The following TTN variants were observed in gnomAD, a reference collection of about 807,000 sequenced individuals.
The protein encoded by TTN is connectin.
A neutral mutation model predicts 3,223.0 loss-of-function variants in TTN; 1,525 were observed. That is an observed-to-expected ratio of 0.47 (90% CI 0.45 to 0.49). The LOEUF (loss-of-function observed/expected upper bound fraction) is 0.49. TTN is among the 20% of genes least tolerant of loss of function. The probability of loss-of-function intolerance (pLI) is 0.00; values close to 1 mark genes in which losing one functional copy is unlikely to be tolerated. For missense variants in TTN, 40,786 were observed against 43,424.0 expected (o/e 0.94, Z 5.40); for synonymous variants, 14,094 against 15,161.0 (o/e 0.93, Z 5.17).
Position 178,740,919 on chromosome 2 carries a change from C to A in TTN, c.12314G>T (p.Ser4105Ile). Residue 4105 changes from serine (S) to isoleucine (I), a missense_variant, in exon 48 of 363, where the codon AGT becomes ATT. Physicochemically the swap from Ser to Ile is moderately radical, Grantham distance 142. Transcript: ENST00000589042. ...EHIAKANELS[S>I]QLPLGAQELQ... is the part of the protein sequence containing the mutation. ...TTCCTGAGCTCCCAAAGGAAGCTGA[C>A]TGCTCAATTCATTGGCTTTAGCAAT... 1 of 1,613,914 alleles carries A rather than the reference C, an allele frequency of 6.2e-7. No homozygotes were observed. The highest frequency in any genetic ancestry group is 8.5e-7 in the Non-Finnish European group (1 of 1,179,842).
At position 178,610,174 on chromosome 2, in the gene TTN, A is replaced by G. The variant is rs1161061741; in HGVS notation, c.51352T>C (p.Phe17118Leu). Residue 17118 changes from phenylalanine (F) to leucine (L), a missense_variant, in exon 271 of 363, where the codon TTC becomes CTC. By Grantham distance (22) the Phe-to-Leu change is conservative. Coordinates refer to ENST00000589042, the MANE Select transcript of TTN (RefSeq NM_001267550.2). ...TTGTTGACTGCTTTAACACGGAAGA[A>G]GTATTCACCATTTGGTATGAGATCC... ...VKDLIPNGEY[F>L]FRVKAVNKVG... 6.2e-7 allele frequency: 1 copy of G among 1,613,038 alleles called. No homozygotes were observed. The highest frequency in any genetic ancestry group is 2.2e-5 in the East Asian group (1 of 44,730).
At chr2:178,746,161 C>T in intron 47 of TTN, 3 of 1,613,296 alleles carry the variant, frequency 1.9e-6, no homozygotes, top group Non-Finnish European at 2.5e-6. Context: ...ATTCTTTATA[C>T]CACTTAACTT....
chr2:178,569,455 G>A lies in TTN; in HGVS notation c.76677C>T (p.Val25559=), dbSNP rs1342652455. Residue 25559 remains valine, a synonymous_variant, in exon 326 of 363, where the codon GTC becomes GTT. Transcript: ENST00000589042. ...GAACAAGAGAGGTGAAACTGCTAGT[G>A]ACATCAATTATAGCTGCATCTCGGA... ...GEIRDAAIID[V]TSSFTSLVLD... 2 of 1,613,042 alleles carry A rather than the reference G, an allele frequency of 1.2e-6. No homozygotes were observed. The highest frequency in any genetic ancestry group is 3.3e-5 in the Admixed American group (2 of 59,950).
rs868040631 is a variant in TTN at position 178,766,510 on chromosome 2, C to T, written c.9574G>A (p.Glu3192Lys). Residue 3192 changes from glutamate (E) to lysine (K), a missense_variant, in exon 41 of 363, where the codon GAA becomes AAA. By Grantham distance (56) the Glu-to-Lys change is moderately conservative. Transcript: ENST00000589042. ...CTTTCCACTACATATTTGTGTCGTT[C>T]TTGAACTTGGAAATTGATTTCAATG... ...DGIEINFQVQ[E>K]RHKYVVERRI... 1 of 1,614,070 alleles carries T rather than the reference C, an allele frequency of 6.2e-7. No homozygotes were observed. The highest frequency in any genetic ancestry group is 1.3e-5 in the African/African-American group (1 of 75,030).
chr2:178,586,973 T>G lies in TTN; in HGVS notation c.64093+145A>C, dbSNP rs2049140319. 1.8e-5 allele frequency: 25 copies of G among 1,368,322 alleles called. No homozygotes were observed. The South Asian group carries it at 3.0e-4, about 16-fold the overall frequency. The allele number at this position is 1,368,322 out of a possible 1,614,324, so 84.8% of individuals were successfully genotyped here. A position where few individuals can be genotyped will look rare whatever the true frequency, so the allele number is the denominator to read the frequency against. ...AGATGAGACAGATCAAAAAAGTGTT[T>G]CATGAGTGAGATAGATATTTATTAC... On this transcript the variant is annotated intron_variant, in intron 307 of 362. Coordinates refer to ENST00000589042, the MANE Select transcript of TTN (RefSeq NM_001267550.2).
chr2:178,713,064 T>C, intron 93 of TTN, 21 bp downstream of exon 93: 1 of 1,608,494 alleles, frequency 6.2e-7, no homozygotes, highest in Non-Finnish European at 8.5e-7. Context: ...TGCAATTCAT[T>C]TTACTGTTTT....
chr2:178,595,857 A>T (rs747989911), intron 294 of TTN, 48 bp from the exon 295 acceptor site: 4 of 1,517,416 alleles, frequency 2.6e-6, no homozygotes, highest in Non-Finnish European at 2.7e-6. Flanking sequence ...TCAATGAAAG[A>T]TAATGCTCAA....
Position 178,720,510 on chromosome 2 carries a change from G to T in TTN, c.23252C>A (p.Thr7751Asn), listed in dbSNP as rs1276891291. ...QVRNSKKFKI[T>N]SKHFDTSLHI... ...AAGACTTGTATCAAAATGTTTTGAA[G>T]TGATTTTAAATTTCTTGCTGTTTCT... The change falls in exon 80 of 363, where the codon ACT (threonine) becomes AAT (asparagine). Residue 7751 changes from threonine (T) to asparagine (N), a missense_variant. Thr to Asn is a moderately conservative substitution (Grantham distance 65). Coordinates refer to ENST00000589042, the MANE Select transcript of TTN (RefSeq NM_001267550.2). 2 of 1,613,658 alleles carry T rather than the reference G, an allele frequency of 1.2e-6. No individual in the cohort carries two copies.
Position 178,576,021 on chromosome 2 carries a change from G to T in TTN, c.70111C>A (p.Arg23371Ser). 2 of 1,612,934 alleles carry T rather than the reference G, an allele frequency of 1.2e-6. No homozygotes were observed. Among genetic ancestry groups the T allele is most frequent in the Non-Finnish European group, 1.7e-6 (2 of 1,179,232 alleles). ...GTCCATGTCACTTCAGGAGCAGGAC[G>T]ACCTTTAATTGGCACAAATATCCTA... ...SIRIFVPIKG[R>S]PAPEVTWTKD... Residue 23371 changes from arginine (R) to serine (S), a missense_variant, in exon 326 of 363, where the codon CGT becomes AGT. By Grantham distance (110) the Arg-to-Ser change is moderately radical (BLOSUM62 -1). Coordinates refer to ENST00000589042, the MANE Select transcript of TTN (RefSeq NM_001267550.2). The surrounding 1 kb of genome is among the most constrained non-coding windows in gnomAD (Gnocchi z 4.3).
chr2:178,722,822 T>A lies in TTN; in HGVS notation c.22077A>T (p.Gly7359=), dbSNP rs202102237. The change falls in exon 76 of 363, where the codon GGA becomes GGT. Residue 7359 remains glycine, a synonymous_variant. Coordinates refer to ENST00000589042, the MANE Select transcript of TTN (RefSeq NM_001267550.2). ...TPEITVSWYK[G]DTKLRPTPEY... ...CAGGAGTTGGCCGTAATTTGGTATC[T>A]CCTTTGTACCAAGACACTGTAATTT... is the stretch of plus-strand genomic sequence containing the variant. 1,369 of 1,613,328 alleles carry A rather than the reference T, an allele frequency of 8.5e-4. 22 individuals carry two copies. The South Asian group carries it at 0.014, about 16-fold the overall frequency.
rs1057524578 is a variant in TTN, at chr2:178,651,884, C to A, written c.39379G>T (p.Val13127Leu). ...EEPEPAAPPQ[V>L]TVPPKKPVPE... ...TCCTAGCAGCTTTCTTGCCATGTACCTTGTGGAGGCGCCGCTGGCTCTGGC... is the reference window on the plus strand; with the variant it reads ...TCCTAGCAGCTTTCTTGCCATGTACATTGTGGAGGCGCCGCTGGCTCTGGC... Residue 13127 changes from valine (V) to leucine (L), a missense_variant and splice_region_variant, in exon 205 of 363, where the codon GTG becomes TTG. Coordinates refer to ENST00000589042, the MANE Select transcript of TTN (RefSeq NM_001267550.2). 23 of 1,606,612 alleles carry A rather than the reference C, an allele frequency of 1.4e-5. No homozygotes were observed. The highest frequency in any genetic ancestry group is 2.0e-5 in the Non-Finnish European group (23 of 1,176,698).
In TTN at chr2:178,652,332, T is replaced by C. The variant is rs764410207; in HGVS notation, c.39143A>G (p.Lys13048Arg). Reference protein sequence around the residue: ...VTPVKVPEAPKEVVPEKKVPV... With the variant: ...VTPVKVPEAPREVVPEKKVPV... The stretch of plus-strand genomic sequence containing the variant: ...CACTTTCTTTTCAGGAACAACTTCT[T>C]TGGGAGCCTCAGGCACTTGAAAGAT... Residue 13048 changes from lysine (K) to arginine (R), a missense_variant, in exon 203 of 363, where the codon AAA (lysine) becomes AGA (arginine). Physicochemically the swap from Lys to Arg is conservative, Grantham distance 26 (BLOSUM62 2). Transcript: ENST00000589042. The C allele has an allele frequency of 8.1e-6, 13 of 1,613,674 alleles. No individual in the cohort carries two copies. In the East Asian group the frequency reaches 2.7e-4, roughly 33 times the overall value.
At chr2:178,587,079 A>G (rs1478831027) in intron 307 of TTN, 39 bp downstream of exon 307, 1 of 1,609,392 alleles carries the variant, frequency 6.2e-7, no homozygotes, top group East Asian at 2.2e-5. Flanking sequence ...CTAAAATAGG[A>G]GACTGGGGTT....
intron 6 of TTN, among the ~76,000 whole-genome samples, chr2:178,797,314 G>A (rs1470411443): frequency 6.6e-6 from 1 of 151,952 alleles, no homozygotes; most frequent in Non-Finnish European, 1.5e-5. Flanking sequence ...GTTAGTGTTT[G>A]CCAATATCTT....
At chr2:178,703,920 A>G (rs986704270) in intron 106 of TTN, among the ~76,000 whole-genome samples, 1 of 152,250 alleles carries the variant, frequency 6.6e-6, no homozygotes. Flanking sequence ...TATGTCTTAG[A>G]CTAGATTAAA....
Position 178,614,159 on chromosome 2 carries a change from G to A in TTN, c.49238C>T (p.Thr16413Ile). 1 of 1,612,400 alleles carries A rather than the reference G, an allele frequency of 6.2e-7. No homozygotes were observed. Residue 16413 changes from threonine (T) to isoleucine (I), a missense_variant, in exon 262 of 363, where the codon ACC becomes ATC. Transcript: ENST00000589042. ...STVKDTNFKATKLIPNKEYIF... is the reference protein window; with the variant it reads ...STVKDTNFKAIKLIPNKEYIF... The stretch of plus-strand genomic sequence containing the variant: ...GTACTCTTTATTGGGGATTAATTTG[G>A]TGGCCTTGAAGTTTGTATCCTTGAC...
chr2:178,733,963 G>GT (rs2080996912), intron 52 of TTN, 71 bp from the exon 53 acceptor site: 5 of 1,385,362 alleles, frequency 3.6e-6, no homozygotes, highest in South Asian at 3.3e-5. Context: ...ATATTTAAGA[G>GT]TTTTTTCAAG....
In TTN at chr2:178,530,611, T is replaced by C. The variant is rs760807951; in HGVS notation, c.106004A>G (p.His35335Arg). Residue 35335 changes from histidine (H) to arginine (R), a missense_variant, in exon 358 of 363, where the codon CAT (histidine) becomes CGT (arginine). By Grantham distance (29) the His-to-Arg change is conservative. Transcript: ENST00000589042. ...CTCATAGGTACCATCTGCTGAATAA[T>C]GAAACTGGAAATGCCCATTTTCCTT... ...KLKENGHFQF[H>R]YSADGTYELK... 6 of 1,613,930 alleles carry C rather than the reference T, an allele frequency of 3.7e-6. No homozygotes were observed. In the East Asian group the frequency reaches 1.1e-4, roughly 30 times the overall value.
Position 178,545,441 on chromosome 2 carries a change from C to A in TTN, c.95669G>T (p.Gly31890Val), listed in dbSNP as rs763832653. 1.2e-6 allele frequency: 2 copies of A among 1,608,460 alleles called. No homozygotes were observed. Among genetic ancestry groups the A allele is most frequent in the East Asian group, 2.2e-5 (1 of 44,764 alleles). ...QFRVTAVNAA[G>V]NSEPSEASNF... is the part of the protein sequence containing the mutation. ...GGAAGCTTCGCTGGGCTCACTGTTA[C>A]CAGCTGCATTCACTGCGGTCACCCG... Residue 31890 changes from glycine to valine, a missense_variant, in exon 344 of 363, where the codon GGT (glycine) becomes GTT (valine). Transcript: ENST00000589042.
Sources: gnomAD v4.1 joint callset for allele counts (sites outside exome capture counted in the v4.1 genomes callset) on GRCh38, gnomAD v4.1.1 for gene constraint, Gnocchi (gnomAD v3.1) non-coding constraint, MANE v1.5 for transcripts, NCBI Gene and HGNC (gene_info 2026-07-23, HGNC 2026-07-21) for gene names.